The following EYS variants were observed in gnomAD, a reference collection of about 807,000 sequenced individuals.
EYS encodes the protein EGF-like photoreceptor maintenance factor.
Under a neutral mutation model 282.1 loss-of-function variants are expected in EYS, and 250 were observed. That is an observed-to-expected ratio of 0.89 (90% confidence interval 0.80 to 0.98). The LOEUF (loss-of-function observed/expected upper bound fraction) is 0.98. EYS is among the 50% of genes least tolerant of loss of function. EYS has a pLI of 0.00. For synonymous variants in EYS, 1,355 were observed against 1,282.9 expected, an observed-to-expected ratio of 1.06 and a Z score of -1.20; for missense variants, 4,016 against 3,709.0, an observed-to-expected ratio of 1.08 and a Z score of -2.15.
At chr6:63,949,462 A>G (rs1314071606) in intron 35 of EYS, among the ~76,000 whole-genome samples, 1 of 152,154 alleles carries the variant, frequency 6.6e-6, no homozygotes, top group Non-Finnish European at 1.5e-5. Context: ...TTCTCTGGGA[A>G]GATATTCTCA....
At chr6:65,535,598 G>T (rs182468972) in intron 2 of EYS, among the ~76,000 whole-genome samples, 1 of 152,102 alleles carries the variant, frequency 6.6e-6, no homozygotes, top group African/African-American at 2.4e-5. Flanking sequence ...AGTAGCATGA[G>T]AACAGACTAA....
At chr6:64,306,855 AAAAC>A in intron 30 of EYS, 111 bp downstream of exon 30, 1 of 649,976 alleles carries the variant, frequency 1.5e-6, no homozygotes, top group Middle Eastern at 4.0e-4. Flanking sequence ...ATGTGAAGCA[AAAAC>A]AAAGAAACGA....
intron 36 of EYS, among the ~76,000 whole-genome samples, chr6:63,847,138 T>C (rs988738783): frequency 2.6e-5 from 4 of 152,138 alleles, no homozygotes; most frequent in Non-Finnish European, 5.9e-5. Flanking sequence ...AGATTCAGAT[T>C]TTACAATATC....
In EYS at chr6:63,815,208, C is replaced by A. The variant is rs190419990; in HGVS notation, c.7229-8836G>T. Among the ~76,000 whole-genome samples the A allele has an allele frequency of 1.7e-4, 26 of 152,150 alleles. No individual in the cohort carries two copies. In the East Asian group the frequency reaches 4.2e-3, roughly 25 times the overall value. On this transcript the variant is annotated intron_variant, in intron 36 of 42. Coordinates refer to ENST00000503581, the MANE Select transcript of EYS (RefSeq NM_001142800.2). ...TCTATTATGTCCCAGCTGCTAGATG[C>A]CCTATCTAAATTACTTTATTTCTCA...
intron 22 of EYS, among the ~76,000 whole-genome samples, chr6:64,660,803 C>T (rs1197488691): frequency 1.3e-5 from 2 of 152,138 alleles, no homozygotes; most frequent in South Asian, 2.1e-4. Flanking sequence ...ATGAAAATGG[C>T]CATACAGCCC....
chr6:65,325,044 C>T (rs1176359148), intron 11 of EYS, among the ~76,000 whole-genome samples: 1 of 152,170 alleles, frequency 6.6e-6, no homozygotes, highest in Non-Finnish European at 1.5e-5. Flanking sequence ...TTAGTGGCAG[C>T]ACCATTGGCA....
At chr6:65,658,287 A>G (rs1156869620) in intron 1 of EYS, among the ~76,000 whole-genome samples, 1 of 151,686 alleles carries the variant, frequency 6.6e-6, no homozygotes, top group Admixed American at 6.6e-5. Flanking sequence ...ATAGGACCCT[A>G]TAACAGAAAA....
chr6:64,062,691 C>CAA (rs1023609648), intron 33 of EYS, among the ~76,000 whole-genome samples: 2,420 of 58,900 alleles, frequency 0.041, 34 homozygotes, highest in Non-Finnish European at 0.073. Flanking sequence ...AACTCCAACT[C>CAA]AAAAAAAAAA....
chr6:65,383,563 CTTAT>C (rs1765694410), intron 8 of EYS, among the ~76,000 whole-genome samples: 1 of 150,424 alleles, frequency 6.6e-6, no homozygotes, highest in Non-Finnish European at 1.5e-5. Context: ...TTTTTCTTGT[CTTAT>C]TTCTCAAAAA....
intron 26 of EYS, among the ~76,000 whole-genome samples, chr6:64,485,250 T>A (rs1361085): frequency 0.26 from 38,933 of 151,448 alleles, 5,513 homozygotes; most frequent in East Asian, 0.35. Flanking sequence ...TAGAGAACCC[T>A]TTAGGATTAA....
At chr6:64,433,792 GT>G (rs1774648309) in intron 28 of EYS, among the ~76,000 whole-genome samples, 1 of 151,948 alleles carries the variant, frequency 6.6e-6, no homozygotes, top group Non-Finnish European at 1.5e-5. Flanking sequence ...GAAGACTAGT[GT>G]TTTGTTACTT....
intron 12 of EYS, among the ~76,000 whole-genome samples, chr6:65,071,499 C>T (rs1336766924): frequency 6.6e-6 from 1 of 151,524 alleles, no homozygotes; most frequent in Non-Finnish European, 1.5e-5. Context: ...ACAGGCAGAT[C>T]AACTAGATAA....
At chr6:64,706,308 A>G (rs1403788739) in intron 22 of EYS, among the ~76,000 whole-genome samples, 1 of 152,194 alleles carries the variant, frequency 6.6e-6, no homozygotes, top group African/African-American at 2.4e-5. Flanking sequence ...CTCACCTTAT[A>G]CAAAAATAAA....
At chr6:63,766,785 C>G (rs1230254137) in intron 40 of EYS, among the ~76,000 whole-genome samples, 1 of 151,894 alleles carries the variant, frequency 6.6e-6, no homozygotes, top group Non-Finnish European at 1.5e-5. Flanking sequence ...TTTTATGTCT[C>G]TCAATCCTGT....
chr6:65,397,363 AC>A (rs1766318188), intron 7 of EYS, among the ~76,000 whole-genome samples: 1 of 151,494 alleles, frequency 6.6e-6, no homozygotes, highest in Non-Finnish European at 1.5e-5. Flanking sequence ...TCATTCTTAC[AC>A]CCTCTCCCAC....
chr6:64,416,069 C>T (rs1051811367), intron 28 of EYS, among the ~76,000 whole-genome samples: 6 of 152,094 alleles, frequency 3.9e-5, no homozygotes, highest in Non-Finnish European at 5.9e-5. Flanking sequence ...GGAAAGGATC[C>T]TAGAAAACTG....
intron 22 of EYS, among the ~76,000 whole-genome samples, chr6:64,672,540 C>T (rs1192768227): frequency 6.6e-6 from 1 of 152,178 alleles, no homozygotes; most frequent in Non-Finnish European, 1.5e-5. Context: ...TTATTACTCT[C>T]TATGATGGGG....
At chr6:64,218,057 A>C (rs958355891) in intron 31 of EYS, among the ~76,000 whole-genome samples, 2 of 152,186 alleles carry the variant, frequency 1.3e-5, no homozygotes, top group Admixed American at 6.5e-5. Flanking sequence ...AACTGCAGAA[A>C]TCTCAGCACA....
At chr6:65,091,910 C>T (rs1247234054) in intron 12 of EYS, among the ~76,000 whole-genome samples, 25 of 152,140 alleles carry the variant, frequency 1.6e-4, no homozygotes. Context: ...AATAAGTCCA[C>T]ATCCCACCTG....
Sources: allele counts gnomAD v4.1 joint callset (sites outside exome capture counted in the v4.1 genomes callset), GRCh38; gene constraint gnomAD v4.1.1; transcripts MANE v1.5; gene names NCBI Gene and HGNC (gene_info 2026-07-23, HGNC 2026-07-21).